Variants in TESK2 observed in about 807,000 individuals in gnomAD.
TESK2 encodes testis associated actin remodelling kinase 2, also known as dual specificity testis-specific protein kinase 2.
Under a neutral mutation model 57.1 loss-of-function variants are expected in TESK2, and 39 were observed. That is an observed-to-expected ratio of 0.68 (90% confidence interval 0.53 to 0.89). The LOEUF (loss-of-function observed/expected upper bound fraction) is 0.89. Ranked by LOEUF, TESK2 falls within the 40% of genes least tolerant of loss-of-function variation. The pLI is 0.00. For missense variants in TESK2, 646 were observed against 732.1 expected (o/e 0.88, Z 1.36); for synonymous variants, 249 against 267.9 (o/e 0.93, Z 0.69).
chr1:45,406,679 A>G (rs998565112), intron 3 of TESK2, among the ~76,000 whole-genome samples: 1 of 152,110 alleles, frequency 6.6e-6, no homozygotes, highest in Non-Finnish European at 1.5e-5. Flanking sequence ...AAATAAAAAA[A>G]TTCAAAACCC....
chr1:45,359,629 C>T (rs568993004), intron 4 of TESK2, among the ~76,000 whole-genome samples: 2 of 151,736 alleles, frequency 1.3e-5, no homozygotes, highest in South Asian at 4.2e-4. Context: ...TTTGGGAGGC[C>T]AAGGCAGGTG....
chr1:45,463,062 C>T (rs986342879), intron 1 of TESK2, among the ~76,000 whole-genome samples: 2 of 152,100 alleles, frequency 1.3e-5, no homozygotes, highest in Non-Finnish European at 2.9e-5. Flanking sequence ...AGATCTTTTG[C>T]CCATTTTTTA....
At chr1:45,400,440 C>G (rs559610252) in intron 3 of TESK2, among the ~76,000 whole-genome samples, 17 of 152,254 alleles carry the variant, frequency 1.1e-4, no homozygotes, top group Non-Finnish European at 1.8e-4. Context: ...TTTTAAGCTA[C>G]TAAGTTTGTG....
At position 45,474,057 on chromosome 1, in the gene TESK2, G is replaced by A. The variant is rs1570766863; in HGVS notation, c.-86-16186C>T. On this transcript the variant is annotated intron_variant, in intron 1 of 10. Coordinates refer to ENST00000372086, the MANE Select transcript of TESK2 (RefSeq NM_007170.3). ...TAATAATGATATTAAGATCATATAT[G>A]ACATTTTTTGGCCAAGCGCAGTGGC... Among the ~76,000 whole-genome samples the A allele has an allele frequency of 2.0e-5, 3 of 152,226 alleles. No homozygotes were observed. The East Asian group carries it at 5.8e-4, about 29-fold the overall frequency.
chr1:45,379,156 G>T (rs1648550349), intron 4 of TESK2, among the ~76,000 whole-genome samples: 3 of 152,150 alleles, frequency 2.0e-5, no homozygotes, highest in Non-Finnish European at 4.4e-5. Flanking sequence ...TGGAATCAGG[G>T]TCTGCCTTGC....
intron 2 of TESK2, among the ~76,000 whole-genome samples, chr1:45,425,571 C>A (rs1650655634): frequency 6.6e-6 from 1 of 152,038 alleles, no homozygotes; most frequent in Non-Finnish European, 1.5e-5. Context: ...GGGAGGATTG[C>A]TTGAGCCCAG....
At chr1:45,444,902 C>A (rs1037969974) in intron 2 of TESK2, among the ~76,000 whole-genome samples, 2 of 151,412 alleles carry the variant, frequency 1.3e-5, no homozygotes, top group Non-Finnish European at 3.0e-5. Context: ...GGGGATGAAA[C>A]TGCCTTTATA....
chr1:45,445,100 C>T (rs1570738058), intron 2 of TESK2, among the ~76,000 whole-genome samples: 1 of 152,200 alleles, frequency 6.6e-6, no homozygotes, highest in Middle Eastern at 3.4e-3. Context: ...GGATTGGCAA[C>T]CTATAACGAG....
At chr1:45,477,609 G>A (rs867766316) in intron 1 of TESK2, among the ~76,000 whole-genome samples, 4 of 151,596 alleles carry the variant, frequency 2.6e-5, no homozygotes, top group Admixed American at 2.0e-4. Flanking sequence ...GCAGCTGAAC[G>A]AGACTCCATC....
intron 4 of TESK2, among the ~76,000 whole-genome samples, chr1:45,375,143 G>T (rs568938047): frequency 6.6e-6 from 1 of 152,236 alleles, no homozygotes; most frequent in Non-Finnish European, 1.5e-5. Context: ...TAGCCAGGAT[G>T]ATCCCATTAA....
chr1:45,442,987 T>C (rs1436574844), intron 2 of TESK2, among the ~76,000 whole-genome samples: 1 of 152,230 alleles, frequency 6.6e-6, no homozygotes, highest in Non-Finnish European at 1.5e-5. Context: ...GGTTTCAGTA[T>C]GTTGGCCAGG....
Position 45,347,170 on chromosome 1 carries a change from G to C in TESK2, c.709-108C>G, listed in dbSNP as rs994275993. On this transcript the variant is annotated intron_variant, in intron 7 of 10. Transcript: ENST00000372086. ...CCACCATCTAACAGCCCAGGCCTGG[G>C]CCATATTGCCCATACTTCATCCCAG... 6 of 897,730 alleles carry C rather than the reference G, an allele frequency of 6.7e-6. No homozygotes were observed. In the East Asian group the frequency reaches 1.5e-4, roughly 23 times the overall value. 55.6% of individuals were successfully genotyped at this position (897,730 alleles called of 1,614,324 possible).
chr1:45,412,999 T>C (rs781688802), intron 3 of TESK2, among the ~76,000 whole-genome samples: 2 of 152,016 alleles, frequency 1.3e-5, no homozygotes, highest in Middle Eastern at 3.4e-3. Flanking sequence ...TGTCTTGGGG[T>C]CGTGGGGAGG....
At chr1:45,481,947 T>C (rs749571963) in intron 1 of TESK2, among the ~76,000 whole-genome samples, 26 of 152,162 alleles carry the variant, frequency 1.7e-4, no homozygotes, top group Admixed American at 6.6e-5. Context: ...TTGACTATAG[T>C]ATATACTGTA....
chr1:45,374,230 G>A (rs1370574908), intron 4 of TESK2, among the ~76,000 whole-genome samples: 2 of 152,182 alleles, frequency 1.3e-5, no homozygotes, highest in African/African-American at 2.4e-5. Context: ...GTTGGGAGCA[G>A]TACTTATTTA....
At chr1:45,463,385 T>G (rs1018086418) in intron 1 of TESK2, among the ~76,000 whole-genome samples, 3 of 152,228 alleles carry the variant, frequency 2.0e-5, no homozygotes, top group Admixed American at 6.5e-5. Flanking sequence ...TTTAAGTCTT[T>G]AATCCATTTT....
At chr1:45,447,788 GA>G (rs1439948399) in intron 2 of TESK2, among the ~76,000 whole-genome samples, 1 of 152,008 alleles carries the variant, frequency 6.6e-6, no homozygotes, top group Non-Finnish European at 1.5e-5. Context: ...ATTGCACTAT[GA>G]TATTACAACA....
intron 7 of TESK2, among the ~76,000 whole-genome samples, chr1:45,347,293 C>T (rs755575598): frequency 1.2e-4 from 18 of 152,092 alleles, no homozygotes; most frequent in Non-Finnish European, 1.5e-4. Context: ...CAGCCGAGCG[C>T]GATGGCTCAT....
intron 2 of TESK2, among the ~76,000 whole-genome samples, chr1:45,452,911 C>G (rs956893671): frequency 6.6e-6 from 1 of 151,960 alleles, no homozygotes; most frequent in Non-Finnish European, 1.5e-5. Flanking sequence ...AATTACCTGA[C>G]GTGACAGTAA....
Sources: gnomAD v4.1 joint callset for allele counts (sites outside exome capture counted in the v4.1 genomes callset) on GRCh38, gnomAD v4.1.1 for gene constraint, MANE v1.5 for transcripts, NCBI Gene and HGNC (gene_info 2026-07-23, HGNC 2026-07-21) for gene names.